Variants in GRB14 observed in about 807,000 individuals in gnomAD.
GRB14 encodes growth factor receptor bound protein 14.
GRB14 carries 38 observed loss-of-function variants against 69.1 expected under a neutral mutation model. The observed-to-expected ratio is 0.55, with a 90% CI of 0.42 to 0.72. GRB14 has a LOEUF of 0.72. GRB14 is among the 30% of genes least tolerant of loss of function. The pLI is 0.00. For synonymous variants in GRB14, 247 were observed against 241.3 expected, an observed-to-expected ratio of 1.02 and a Z score of -0.22; for missense variants, 666 against 666.1, an observed-to-expected ratio of 1.00 and a Z score of 0.00.
intron 2 of GRB14, among the ~76,000 whole-genome samples, chr2:164,564,928 T>A (rs1688932699): frequency 6.6e-6 from 1 of 152,010 alleles, no homozygotes; most frequent in African/African-American, 2.4e-5. Context: ...GGCAGGAGAA[T>A]CGTTCGAACC....
At position 164,502,050 on chromosome 2, in the gene GRB14, T is replaced by A. The variant is rs539651822; in HGVS notation, c.1104+205A>T. The stretch of plus-strand genomic sequence containing the variant: ...ATTTTATTAAATACTTTATGTATAA[T>A]GATATGATTTTATCACATAGATTGC... On this transcript the variant is annotated intron_variant, in intron 9 of 13. Transcript: ENST00000263915. Among the ~76,000 whole-genome samples, 4 of 152,024 alleles carry A rather than the reference T, an allele frequency of 2.6e-5. No homozygotes were observed. In the South Asian group the frequency reaches 8.3e-4, roughly 31 times the overall value.
intron 2 of GRB14, among the ~76,000 whole-genome samples, chr2:164,563,038 T>C (rs1360998509): frequency 6.6e-6 from 1 of 152,150 alleles, no homozygotes; most frequent in East Asian, 1.9e-4. Context: ...ATGAGAACTC[T>C]GGATAAAAAG....
chr2:164,494,499 TCTGA>T lies in GRB14; in HGVS notation c.1404_1407del (p.Ser468ArgfsTer11). Reference sequence around the variant, plus strand: ...GACAGTACGAAAGTTTTGGGGTTACTCTGACTATCCCGTACCAAGAAAACTCTAA... The same window carrying T: ...GACAGTACGAAAGTTTTGGGGTTACTCTATCCCGTACCAAGAAAACTCTAA... On this transcript the variant is annotated frameshift_variant, in exon 13 of 14. Coordinates refer to ENST00000263915, the MANE Select transcript of GRB14 (RefSeq NM_004490.3). LOFTEE classifies it high-confidence loss of function. The T allele has an allele frequency of 1.3e-6, 2 of 1,591,486 alleles. No individual in the cohort carries two copies. Among genetic ancestry groups the T allele is most frequent in the Non-Finnish European group, 1.7e-6 (2 of 1,159,546 alleles).
chr2:164,621,443 C>CG lies in GRB14; in HGVS notation c.-135dup, dbSNP rs1427662398. 2.2e-6 allele frequency: 1 copy of CG among 446,570 alleles called. No homozygotes were observed. The highest frequency in any genetic ancestry group is 1.2e-4 in the East Asian group (1 of 8,020). The allele number at this position is 446,570 out of a possible 1,614,324, so 27.7% of individuals were successfully genotyped here. ...GTGTGGTGGCCTCGCCGCCTGCGCT[C>CG]GGGGCCCCGGCGGCTGAGACGCGCG... On this transcript the variant is annotated 5_prime_UTR_variant, in exon 1 of 14. Transcript: ENST00000263915. The surrounding 1 kb of genome is among the most constrained non-coding windows in gnomAD (Gnocchi z 6.0).
intron 2 of GRB14, among the ~76,000 whole-genome samples, chr2:164,555,290 G>C (rs1688650211): frequency 6.6e-6 from 1 of 152,198 alleles, no homozygotes; most frequent in South Asian, 2.1e-4. Flanking sequence ...TCACGGAGCA[G>C]AAGAGGGCTT....
intron 2 of GRB14, among the ~76,000 whole-genome samples, chr2:164,617,959 T>TGGG (rs68125620): frequency 2.6e-5 from 2 of 77,062 alleles, no homozygotes; most frequent in Admixed American, 1.7e-4. Flanking sequence ...ATCTTTTTTT[T>TGGG]GGGGGGGGGG....
At chr2:164,576,463 G>A (rs1322071983) in intron 2 of GRB14, among the ~76,000 whole-genome samples, 3 of 151,532 alleles carry the variant, frequency 2.0e-5, no homozygotes, top group Non-Finnish European at 4.4e-5. Context: ...GTAAATTCCA[G>A]AATACAGATA....
chr2:164,602,868 G>A lies in GRB14; in HGVS notation c.324+16819C>T, dbSNP rs144298976. ...GGGAAGAGAAGACTCTTGCAGCTGA[G>A]TCTTCAAAGATATGTTATTTGAAGC... On this transcript the variant is annotated intron_variant, in intron 2 of 13. Transcript: ENST00000263915. Among the ~76,000 whole-genome samples the A allele has an allele frequency of 3.6e-3, 546 of 152,224 alleles. 8 individuals carry two copies. The highest frequency in any genetic ancestry group is 0.012 in the African/African-American group (510 of 41,518).
At chr2:164,545,536 A>T (rs1483339939) in intron 3 of GRB14, among the ~76,000 whole-genome samples, 1 of 152,186 alleles carries the variant, frequency 6.6e-6, no homozygotes, top group East Asian at 1.9e-4. Flanking sequence ...GAGGCAAGAA[A>T]TTAGAGCTTC....
chr2:164,497,193 G>T lies in GRB14; in HGVS notation c.1294+18C>A. 1 of 1,610,160 alleles carries T rather than the reference G, an allele frequency of 6.2e-7. No homozygotes were observed. Among genetic ancestry groups the T allele is most frequent in the South Asian group, 1.1e-5 (1 of 90,982 alleles). ...GTCTATCCGTCTACTCAGTGGCAAT[G>T]ACTATGAACAGACATACCCATGTTT... On this transcript the variant is annotated intron_variant, in intron 11 of 13. Coordinates refer to ENST00000263915, the MANE Select transcript of GRB14 (RefSeq NM_004490.3).
intron 3 of GRB14, among the ~76,000 whole-genome samples, chr2:164,534,419 C>CT (rs1203008412): frequency 2.0e-5 from 3 of 152,134 alleles, no homozygotes; most frequent in South Asian, 4.1e-4. Context: ...ATTAGCATTT[C>CT]TTTTTTCAAT....
At chr2:164,523,008 A>G (rs772788601) in intron 5 of GRB14, among the ~76,000 whole-genome samples, 6 of 152,050 alleles carry the variant, frequency 3.9e-5, no homozygotes, top group South Asian at 4.1e-4. Flanking sequence ...AAAAAGTCCA[A>G]TGCAACTGGA....
At chr2:164,586,869 G>A (rs1364661294) in intron 2 of GRB14, among the ~76,000 whole-genome samples, 2 of 152,250 alleles carry the variant, frequency 1.3e-5, no homozygotes, top group East Asian at 3.9e-4. Context: ...GATCAAAGAT[G>A]TTAGAGGTTA....
chr2:164,524,525 A>C (rs1191897295), intron 5 of GRB14, among the ~76,000 whole-genome samples: 1 of 152,094 alleles, frequency 6.6e-6, no homozygotes, highest in East Asian at 1.9e-4. Flanking sequence ...TTTCCATAAC[A>C]GCTATTACAA....
chr2:164,509,657 C>T (rs1291213698), intron 6 of GRB14, among the ~76,000 whole-genome samples: 1 of 152,062 alleles, frequency 6.6e-6, no homozygotes, highest in Non-Finnish European at 1.5e-5. Context: ...TGGTCTCAGA[C>T]CAGCAGCATC....
intron 2 of GRB14, among the ~76,000 whole-genome samples, chr2:164,560,747 AAAT>A (rs1436403769): frequency 1.3e-5 from 2 of 152,124 alleles, no homozygotes; most frequent in Non-Finnish European, 2.9e-5. Context: ...TCAAACTGCA[AAAT>A]AATAATTCCT....
intron 2 of GRB14, among the ~76,000 whole-genome samples, chr2:164,569,636 T>C (rs959247567): frequency 6.6e-6 from 1 of 152,228 alleles, no homozygotes; most frequent in African/African-American, 2.4e-5. Flanking sequence ...TACTGCTTTA[T>C]ACATAAGTGA....
intron 1 of GRB14, among the ~76,000 whole-genome samples, chr2:164,620,365 C>T (rs954127234): frequency 2.6e-5 from 4 of 152,062 alleles, no homozygotes; most frequent in African/African-American, 9.7e-5. Flanking sequence ...GTTGCCCACA[C>T]ACAGTCTGTT....
chr2:164,613,522 G>A (rs1574358179), intron 2 of GRB14, among the ~76,000 whole-genome samples: 2 of 152,216 alleles, frequency 1.3e-5, no homozygotes, highest in South Asian at 4.1e-4. Flanking sequence ...AAACTTGGGA[G>A]CAGCCACTTG....
Sources: allele counts gnomAD v4.1 joint callset (sites outside exome capture counted in the v4.1 genomes callset), GRCh38; gene constraint gnomAD v4.1.1; non-coding constraint Gnocchi (gnomAD v3.1); transcripts MANE v1.5; gene names NCBI Gene and HGNC (gene_info 2026-07-23, HGNC 2026-07-21).